Variants in ASTN2 observed in about 807,000 individuals in gnomAD.
ASTN2 encodes astrotactin-2.
ASTN2 carries 54 observed loss-of-function variants against 139.8 expected under a neutral mutation model. The observed-to-expected ratio is 0.39, with a 90% CI of 0.31 to 0.48. The LOEUF is 0.48. ASTN2 is among the 20% of genes least tolerant of loss of function. ASTN2 has a pLI of 0.95. For synonymous variants in ASTN2, 756 were observed against 719.5 expected (o/e 1.05, Z -0.81); for missense variants, 1,565 against 1,725.1 (o/e 0.91, Z 1.64).
intron 4 of ASTN2, among the ~76,000 whole-genome samples, chr9:117,118,519 T>C (rs1392161540): frequency 6.6e-6 from 1 of 152,184 alleles, no homozygotes; most frequent in African/African-American, 2.4e-5. Context: ...TTTCTGACAC[T>C]CTCCAGGCTT....
At chr9:116,883,407 C>A (rs1353812989) in intron 10 of ASTN2, among the ~76,000 whole-genome samples, 1 of 152,132 alleles carries the variant, frequency 6.6e-6, no homozygotes, top group Admixed American at 6.6e-5. Context: ...TGGTGGACAG[C>A]CCTTATATTT....
chr9:116,487,370 G>A lies in ASTN2; in HGVS notation c.3486C>T (p.Asp1162=), dbSNP rs577478546. The A allele has an allele frequency of 7.9e-5, 127 of 1,613,830 alleles. No homozygotes were observed. Among genetic ancestry groups the A allele is most frequent in the South Asian group, 1.2e-4 (11 of 91,048 alleles). Residue 1162 remains aspartate, a synonymous_variant, in exon 20 of 23, where the codon GAC becomes GAT. Transcript: ENST00000313400. The part of the protein sequence containing the change: ...YSVIFKCLEP[D]GLYKFTLYAV... ...CCAACACATCTTACTTGTAGAGACC[G>A]TCGGGCTCCAGACACTTGAAGATGA... is the stretch of plus-strand genomic sequence containing the variant.
At chr9:117,175,335 T>C (rs1830890847) in intron 3 of ASTN2, among the ~76,000 whole-genome samples, 1 of 152,158 alleles carries the variant, frequency 6.6e-6, no homozygotes. Context: ...AATATATTAT[T>C]TCATGGATGA....
At chr9:117,316,600 G>T (rs1828151332) in intron 1 of ASTN2, among the ~76,000 whole-genome samples, 1 of 152,126 alleles carries the variant, frequency 6.6e-6, no homozygotes, top group African/African-American at 2.4e-5. Flanking sequence ...GTGGGAAGAT[G>T]CTCAATCTGC....
intron 3 of ASTN2, among the ~76,000 whole-genome samples, chr9:117,148,380 T>C (rs1327098689): frequency 1.3e-5 from 2 of 152,238 alleles, no homozygotes; most frequent in Non-Finnish European, 2.9e-5. Flanking sequence ...TACTCATCTT[T>C]CTCTCACTAA....
At chr9:116,555,234 G>A (rs531841468) in intron 19 of ASTN2, among the ~76,000 whole-genome samples, 1 of 152,276 alleles carries the variant, frequency 6.6e-6, no homozygotes, top group East Asian at 1.9e-4. Context: ...GGCCACCCCA[G>A]CAAGAGGCTG....
chr9:117,303,966 T>A (rs1834938183), intron 1 of ASTN2, among the ~76,000 whole-genome samples: 1 of 152,202 alleles, frequency 6.6e-6, no homozygotes. Context: ...ATTAGCTTGA[T>A]GGAGGCAGAG....
At chr9:116,633,197 C>T (rs1037596158) in intron 17 of ASTN2, among the ~76,000 whole-genome samples, 3 of 152,220 alleles carry the variant, frequency 2.0e-5, no homozygotes, top group African/African-American at 7.2e-5. Flanking sequence ...TCGGTTATAA[C>T]TCTAGGGAGA....
At chr9:117,243,206 TCTAA>T (rs1293326308) in intron 2 of ASTN2, among the ~76,000 whole-genome samples, 11 of 152,218 alleles carry the variant, frequency 7.2e-5, no homozygotes, top group African/African-American at 2.7e-4. Context: ...TACTATGTTG[TCTAA>T]CTCTCGCTGT....
At chr9:116,470,498 G>A (rs966150117) in intron 20 of ASTN2, among the ~76,000 whole-genome samples, 1 of 152,072 alleles carries the variant, frequency 6.6e-6, no homozygotes, top group Non-Finnish European at 1.5e-5. Context: ...TTGGGCTTTG[G>A]TTTTCTCATC....
At chr9:116,714,262 T>A (rs1828249875) in intron 16 of ASTN2, among the ~76,000 whole-genome samples, 1 of 152,084 alleles carries the variant, frequency 6.6e-6, no homozygotes, top group Admixed American at 6.5e-5. Context: ...TAGGAAAAGC[T>A]CAAATTCAAA....
chr9:116,500,508 G>T (rs1442240471), intron 19 of ASTN2, among the ~76,000 whole-genome samples: 1 of 152,182 alleles, frequency 6.6e-6, no homozygotes, highest in Non-Finnish European at 1.5e-5. Context: ...CCCTGCAGTG[G>T]CTAACAAGGA....
chr9:117,181,090 C>T (rs1379358634), intron 3 of ASTN2: 4 of 1,078,094 alleles, frequency 3.7e-6, no homozygotes, highest in Non-Finnish European at 5.7e-6. Flanking sequence ...TCCCTTAAAG[C>T]AACCCATACA....
intron 10 of ASTN2, among the ~76,000 whole-genome samples, chr9:116,912,827 A>G (rs1834352928): frequency 6.6e-6 from 1 of 152,100 alleles, no homozygotes; most frequent in Admixed American, 6.6e-5. Context: ...TAAGAACATC[A>G]ACTTCATACT....
intron 19 of ASTN2, among the ~76,000 whole-genome samples, chr9:116,591,958 T>C (rs969883587): frequency 1.6e-4 from 24 of 152,202 alleles, no homozygotes; most frequent in Admixed American, 1.5e-3. Context: ...GAAGAGATAA[T>C]AGTGCAGCTG....
intron 1 of ASTN2, among the ~76,000 whole-genome samples, chr9:117,321,629 G>A (rs1033720332): frequency 6.6e-6 from 1 of 152,136 alleles, no homozygotes; most frequent in Non-Finnish European, 1.5e-5. Context: ...CAAAACTAGC[G>A]GATATTTGGG....
chr9:116,926,233 A>G (rs139488779), intron 10 of ASTN2, among the ~76,000 whole-genome samples: 87 of 152,124 alleles, frequency 5.7e-4, no homozygotes, highest in African/African-American at 2.1e-3. Flanking sequence ...TCCTGCTGTA[A>G]CCTCTTTCTC....
intron 17 of ASTN2, among the ~76,000 whole-genome samples, chr9:116,630,108 A>G (rs1203136094): frequency 6.6e-6 from 1 of 152,204 alleles, no homozygotes; most frequent in Non-Finnish European, 1.5e-5. Flanking sequence ...GTGAGAAATG[A>G]CATGCAGGGA....
chr9:116,487,301 C>T (rs1403729027), intron 20 of ASTN2, 58 bp downstream of exon 20: 5 of 1,597,162 alleles, frequency 3.1e-6, no homozygotes, highest in Non-Finnish European at 3.4e-6. Context: ...TGCCATTCCT[C>T]TTAGGCTTAA....
Sources: allele counts gnomAD v4.1 joint callset (sites outside exome capture counted in the v4.1 genomes callset), GRCh38; gene constraint gnomAD v4.1.1; transcripts MANE v1.5; gene names NCBI Gene and HGNC (gene_info 2026-07-23, HGNC 2026-07-21).